The following LINGO2 variants were observed in gnomAD, a reference collection of about 807,000 sequenced individuals.
The protein encoded by LINGO2 is leucine rich repeat and Ig domain containing 2.
Under a neutral mutation model 30.6 loss-of-function variants are expected in LINGO2, and 14 were observed. The observed-to-expected ratio is 0.46, with a 90% CI of 0.30 to 0.72. The LOEUF is 0.72. Among genes scored for constraint, LINGO2 ranks in the 30% least tolerant of loss-of-function variants. LINGO2 has a pLI of 0.07. For synonymous variants in LINGO2, 317 were observed against 288.5 expected (o/e 1.10, Z -1.00); for missense variants, 729 against 751.7 (o/e 0.97, Z 0.35).
intron 1 of LINGO2, among the ~76,000 whole-genome samples, chr9:28,664,227 G>A (rs2136020092): frequency 6.6e-6 from 1 of 152,170 alleles, no homozygotes; most frequent in South Asian, 2.1e-4. Context: ...TATGGCTAAG[G>A]GAATCTAGGA....
At chr9:28,677,054 C>T in the LINGO2 span, among the ~76,000 whole-genome samples, 1 of 152,124 alleles carries the variant, frequency 6.6e-6, no homozygotes, top group Non-Finnish European at 1.5e-5. Context: ...GTATGCTAGG[C>T]ACTGTTCTAA....
At chr9:28,086,942 T>C (rs1472076652) in intron 4 of LINGO2, among the ~76,000 whole-genome samples, 1 of 152,138 alleles carries the variant, frequency 6.6e-6, no homozygotes, top group Non-Finnish European at 1.5e-5. Flanking sequence ...TTGAAGTTAT[T>C]TTCATGACAA....
intron 1 of LINGO2, among the ~76,000 whole-genome samples, chr9:28,560,926 T>C (rs1293073052): frequency 6.6e-6 from 1 of 152,158 alleles, no homozygotes; most frequent in Non-Finnish European, 1.5e-5. Flanking sequence ...CCACCTGCTA[T>C]GGCTTCCCAA....
At chr9:28,210,847 A>C (rs978543472) in intron 4 of LINGO2, among the ~76,000 whole-genome samples, 1 of 151,512 alleles carries the variant, frequency 6.6e-6, no homozygotes, top group Non-Finnish European at 1.5e-5. Flanking sequence ...GGAAGTCTAA[A>C]TTTAAGGGCA....
intron 4 of LINGO2, among the ~76,000 whole-genome samples, chr9:28,044,373 A>G (rs1364487753): frequency 2.0e-5 from 3 of 152,184 alleles, no homozygotes; most frequent in Non-Finnish European, 2.9e-5. Context: ...AAATCATGTT[A>G]GATTTCAACT....
chr9:28,171,039 T>C (rs968514188), intron 4 of LINGO2, among the ~76,000 whole-genome samples: 2 of 152,240 alleles, frequency 1.3e-5, no homozygotes, highest in African/African-American at 4.8e-5. Flanking sequence ...ACTTTCTAGA[T>C]GTGTGAGTAG....
rs75657793 is a variant in LINGO2 at position 28,035,950 on chromosome 9, G to A, written c.-86-23545C>T. ...TATAATACTGACTCATCAGGCAGTT[G>A]ACATGATGTGGTCATTCAATATCTA... On this transcript the variant is annotated intron_variant, in intron 4 of 5. Coordinates refer to ENST00000379992, the Ensembl canonical transcript of LINGO2. Among the ~76,000 whole-genome samples, 1,135 of 152,058 alleles carry A rather than the reference G, an allele frequency of 7.5e-3. 8 individuals are homozygous for A. The highest frequency in any genetic ancestry group is 0.011 in the Non-Finnish European group (768 of 67,962).
chr9:28,287,913 A>C (rs1166019849), intron 4 of LINGO2, among the ~76,000 whole-genome samples: 2 of 152,178 alleles, frequency 1.3e-5, no homozygotes, highest in Non-Finnish European at 2.9e-5. Flanking sequence ...GCAAATGTAG[A>C]AATGTATTGA....
At chr9:29,207,926 A>G in the LINGO2 span, among the ~76,000 whole-genome samples, 1 of 152,100 alleles carries the variant, frequency 6.6e-6, no homozygotes, top group Non-Finnish European at 1.5e-5. Context: ...TCCATGAGTC[A>G]TTTAATATCT....
intron 4 of LINGO2, among the ~76,000 whole-genome samples, chr9:28,287,553 C>T (rs191155138): frequency 6.6e-6 from 1 of 152,226 alleles, no homozygotes; most frequent in East Asian, 1.9e-4. Flanking sequence ...GCCAAGTAAG[C>T]TAGGTTTGCT....
Position 28,529,510 on chromosome 9 carries a change from G to T in LINGO2, c.-364-53485C>A, listed in dbSNP as rs111231064. On this transcript the variant is annotated intron_variant, in intron 1 of 5. Transcript: ENST00000379992. ...TCACAGTACAGAGATAAGGTAGATA[G>T]ACCTAATTGGAAATGGCAGTCTTTC... Among the ~76,000 whole-genome samples the T allele has an allele frequency of 6.4e-3, 964 of 151,758 alleles. 14 individuals carry two copies. The highest frequency in any genetic ancestry group is 0.022 in the African/African-American group (906 of 41,390).
chr9:28,231,401 A>G (rs1012133773), intron 4 of LINGO2, among the ~76,000 whole-genome samples: 3 of 152,028 alleles, frequency 2.0e-5, no homozygotes, highest in African/African-American at 7.2e-5. Context: ...GTGTGGGAAA[A>G]TTGGTTTTTC....
chr9:28,613,615 G>C (rs1375034144), intron 1 of LINGO2, among the ~76,000 whole-genome samples: 1 of 152,072 alleles, frequency 6.6e-6, no homozygotes, highest in Non-Finnish European at 1.5e-5. Context: ...TGAGCCCATT[G>C]TTGGTGGGAT....
chr9:28,848,859 T>C, the LINGO2 span, among the ~76,000 whole-genome samples: 2 of 152,044 alleles, frequency 1.3e-5, no homozygotes, highest in Admixed American at 6.6e-5. Flanking sequence ...TATGATGTGA[T>C]TGTTTATGTG....
chr9:28,359,842 T>C (rs75662626), intron 3 of LINGO2, among the ~76,000 whole-genome samples: 16,475 of 152,154 alleles, frequency 0.11, 1,230 homozygotes, highest in Admixed American at 0.17. Context: ...CAGAAACATA[T>C]TACATATGAT....
chr9:27,984,192 C>T (rs1399483045), intron 5 of LINGO2, among the ~76,000 whole-genome samples: 1 of 151,900 alleles, frequency 6.6e-6, no homozygotes, highest in Middle Eastern at 3.4e-3. Flanking sequence ...TTCTTGGTTG[C>T]CTGGGTTGTA....
At chr9:29,063,919 A>G in the LINGO2 span, among the ~76,000 whole-genome samples, 2 of 152,180 alleles carry the variant, frequency 1.3e-5, no homozygotes, top group Admixed American at 6.6e-5. Flanking sequence ...AAGATTGGTG[A>G]TAAGTTTAAC....
chr9:28,286,814 T>C (rs897017596), intron 4 of LINGO2, among the ~76,000 whole-genome samples: 35 of 151,858 alleles, frequency 2.3e-4, no homozygotes, highest in African/African-American at 8.5e-4. Context: ...TTTCAGAAGG[T>C]AGAGGGTGGG....
the LINGO2 span, among the ~76,000 whole-genome samples, chr9:28,756,129 T>C: frequency 6.6e-6 from 1 of 152,014 alleles, no homozygotes; most frequent in African/African-American, 2.4e-5. Context: ...AAACTACTTG[T>C]CAAAACATCT....
Sources: gnomAD v4.1 joint callset for allele counts (sites outside exome capture counted in the v4.1 genomes callset) on GRCh38, gnomAD v4.1.1 for gene constraint, MANE v1.5 for transcripts, NCBI Gene and HGNC (gene_info 2026-07-23, HGNC 2026-07-21) for gene names.